TCFL5: variants seen among roughly 807,000 people sequenced by gnomAD.
TCFL5 encodes transcription factor like 5.
A neutral mutation model predicts 44.3 loss-of-function variants in TCFL5; 9 were observed. That is an observed-to-expected ratio of 0.20 (90% CI 0.12 to 0.35). TCFL5 has a LOEUF of 0.35. TCFL5 is among the 10% of genes least tolerant of loss of function. The probability of loss-of-function intolerance (pLI) is 1.00; values close to 1 mark genes in which losing one functional copy is unlikely to be tolerated. For synonymous variants in TCFL5, 319 were observed against 271.6 expected, an observed-to-expected ratio of 1.17 and a Z score of -1.72; for missense variants, 603 against 613.4, an observed-to-expected ratio of 0.98 and a Z score of 0.18.
chr20:62,852,554 A>C (rs771472291), intron 5 of TCFL5: 27 of 985,382 alleles, frequency 2.7e-5, no homozygotes, highest in Non-Finnish European at 3.0e-5. Flanking sequence ...ACGACCACAC[A>C]GACAGGATCA....
chr20:62,843,645 T>A (rs1449666692), intron 5 of TCFL5, among the ~76,000 whole-genome samples: 1 of 152,240 alleles, frequency 6.6e-6, no homozygotes, highest in Non-Finnish European at 1.5e-5. Context: ...CATGTGTAAG[T>A]GTACAGTGGA....
intron 4 of TCFL5, 43 bp downstream of exon 4, chr20:62,857,352 T>C: frequency 6.2e-7 from 1 of 1,605,992 alleles, no homozygotes; most frequent in East Asian, 2.2e-5. Context: ...ATGACTAAGG[T>C]AATCATATAT....
At position 62,841,852 on chromosome 20, in the gene TCFL5, C is replaced by T. The variant is rs113781679; in HGVS notation, c.*123G>A. The T allele has an allele frequency of 7.0e-5, 95 of 1,350,286 alleles. 1 individual carries two copies. The highest frequency in any genetic ancestry group is 1.5e-4 in the African/African-American group (10 of 68,020). The allele number at this position is 1,350,286 out of a possible 1,614,324, so 83.6% of individuals were successfully genotyped here. On this transcript the variant is annotated 3_prime_UTR_variant, in exon 6 of 6. Coordinates refer to ENST00000335351, the MANE Select transcript of TCFL5 (RefSeq NM_006602.4). ...GCTCTCAAAGTCCCTACTGGAGTCC[C>T]GTCAGCTTGAGTCACGCCCTTTTCG...
At chr20:62,846,166 A>T in intron 5 of TCFL5, 1 of 1,162,072 alleles carries the variant, frequency 8.6e-7, no homozygotes, top group South Asian at 1.4e-5. Flanking sequence ...AAAAGACGAT[A>T]ATTTAAAAAA....
chr20:62,847,692 G>A (rs548812485), intron 5 of TCFL5, among the ~76,000 whole-genome samples: 2 of 152,350 alleles, frequency 1.3e-5, no homozygotes, highest in East Asian at 3.9e-4. Flanking sequence ...GCCCTCCAGT[G>A]GCCATGTTCA....
intron 4 of TCFL5, among the ~76,000 whole-genome samples, chr20:62,857,163 A>C (rs2063906223): frequency 6.6e-6 from 1 of 152,150 alleles, no homozygotes; most frequent in South Asian, 2.1e-4. Context: ...TCTCCATAGT[A>C]AGTCACAGCC....
At position 62,841,131 on chromosome 20, in the gene TCFL5, A is replaced by C; in HGVS notation, c.*844T>G. 4.6e-6 allele frequency: 1 copy of C among 219,034 alleles called. No individual in the cohort carries two copies. Among genetic ancestry groups the C allele is most frequent in the Non-Finnish European group, 9.3e-6 (1 of 107,454 alleles). 13.6% of individuals were successfully genotyped at this position (219,034 alleles called of 1,614,324 possible). On this transcript the variant is annotated 3_prime_UTR_variant, in exon 6 of 6. Coordinates refer to ENST00000335351, the MANE Select transcript of TCFL5 (RefSeq NM_006602.4). ...GCTACAGAGTAACAAAAAATAAAGA[A>C]TTTAATGTACAGTAAATTCTCTCCC...
intron 5 of TCFL5, chr20:62,845,104 T>C: frequency 1.0e-6 from 1 of 988,034 alleles, no homozygotes; most frequent in Non-Finnish European, 1.2e-6. Context: ...TGCATATAAA[T>C]ATACTCATTT....
chr20:62,841,027 C>CTTGT lies in TCFL5; in HGVS notation c.*944_*947dup, dbSNP rs2063674584. 1.5e-5 allele frequency: 6 copies of CTTGT among 408,906 alleles called. No individual in the cohort carries two copies. The South Asian group carries it at 1.5e-4, about 10-fold the overall frequency. 25.3% of individuals were successfully genotyped at this position (408,906 alleles called of 1,614,324 possible). On this transcript the variant is annotated 3_prime_UTR_variant, in exon 6 of 6. Coordinates refer to ENST00000335351, the MANE Select transcript of TCFL5 (RefSeq NM_006602.4). ...CCACGAGGTGAAAAATATTCAGTAACTTGTTTACATAGCATTTGTGTAAAG... is the reference window on the plus strand; with the variant it reads ...CCACGAGGTGAAAAATATTCAGTAACTTGTTTGTTTACATAGCATTTGTGTAAAG...
chr20:62,861,761 C>G lies in TCFL5; in HGVS notation c.-91G>C, dbSNP rs1185897778. On this transcript the variant is annotated 5_prime_UTR_variant, in exon 1 of 6. Transcript: ENST00000335351. This position sits in a 1 kb window ranked among gnomAD's most constrained non-coding sequence, Gnocchi z 4.0. ...CGGGAGGCGGGAGGCGACCCCCGGC[C>G]CGAGCACTACTCTGCGCCGGCCACA... The G allele has an allele frequency of 1.4e-5, 2 of 147,028 alleles. No homozygotes were observed. The highest frequency in any genetic ancestry group is 4.9e-5 in the African/African-American group (2 of 40,814). 9.1% of individuals were successfully genotyped at this position (147,028 alleles called of 1,614,324 possible).
chr20:62,844,148 T>C (rs1388769112), intron 5 of TCFL5, among the ~76,000 whole-genome samples: 1 of 152,240 alleles, frequency 6.6e-6, no homozygotes, highest in Non-Finnish European at 1.5e-5. Flanking sequence ...GCTGTCATAC[T>C]GTCTTCCACA....
chr20:62,856,500 C>T (rs1221558516), intron 4 of TCFL5, among the ~76,000 whole-genome samples: 4 of 151,640 alleles, frequency 2.6e-5, no homozygotes, highest in Non-Finnish European at 5.9e-5. Flanking sequence ...GTCAGGAGAT[C>T]AAGACCATCC....
intron 5 of TCFL5, among the ~76,000 whole-genome samples, chr20:62,846,739 G>T (rs2063748160): frequency 6.7e-6 from 1 of 150,130 alleles, no homozygotes. Flanking sequence ...CTCCAGCCTG[G>T]GTGACAGAAT....
At chr20:62,856,660 C>G (rs563143722) in intron 4 of TCFL5, among the ~76,000 whole-genome samples, 2 of 144,684 alleles carry the variant, frequency 1.4e-5, no homozygotes, top group South Asian at 4.5e-4. Flanking sequence ...GAGCAGAGAT[C>G]GCGCCACTGC....
chr20:62,847,043 G>C (rs2063753276), intron 5 of TCFL5, among the ~76,000 whole-genome samples: 1 of 151,924 alleles, frequency 6.6e-6, no homozygotes, highest in South Asian at 2.1e-4. Flanking sequence ...AATTTGCCGG[G>C]GTGGTGGCAC....
intron 4 of TCFL5, among the ~76,000 whole-genome samples, chr20:62,857,045 G>A (rs1440894325): frequency 6.6e-6 from 1 of 152,176 alleles, no homozygotes; most frequent in Non-Finnish European, 1.5e-5. Flanking sequence ...ACATGGCTGG[G>A]GGCATGAGGG....
At chr20:62,852,611 GC>G in intron 5 of TCFL5, 1 of 985,448 alleles carries the variant, frequency 1.0e-6, no homozygotes, top group Non-Finnish European at 1.2e-6. Flanking sequence ...GCGCTAACAC[GC>G]CGGCTCCTCC....
Position 62,842,335 on chromosome 20 carries a change from C to A in TCFL5, c.1381-238G>T, listed in dbSNP as rs965515151. On this transcript the variant is annotated intron_variant, in intron 5 of 5. Transcript: ENST00000335351. The surrounding 1 kb of genome is among the most constrained non-coding windows in gnomAD (Gnocchi z 4.3). ...TACATGTACTTTTGTTTTTCCAATA[C>A]TCAGAATGTCTGGCCACACTGTATT... 1.3e-4 allele frequency among the ~76,000 whole-genome samples: 20 copies of A among 151,950 alleles called. No homozygotes were observed. Among genetic ancestry groups the A allele is most frequent in the African/African-American group, 4.3e-4 (18 of 41,414 alleles).
At chr20:62,855,917 T>C (rs2063881306) in intron 4 of TCFL5, among the ~76,000 whole-genome samples, 2 of 152,122 alleles carry the variant, frequency 1.3e-5, no homozygotes, top group African/African-American at 4.8e-5. Flanking sequence ...CGATACATTA[T>C]GTAGTTAATT....
Sources: gnomAD v4.1 joint callset for allele counts (sites outside exome capture counted in the v4.1 genomes callset) on GRCh38, gnomAD v4.1.1 for gene constraint, Gnocchi (gnomAD v3.1) non-coding constraint, MANE v1.5 for transcripts, NCBI Gene and HGNC (gene_info 2026-07-23, HGNC 2026-07-21) for gene names.